Variants in NCALD observed in about 807,000 individuals in gnomAD.
NCALD encodes the protein neurocalcin delta, also known as neurocalcin-delta.
Under a neutral mutation model 18.6 loss-of-function variants are expected in NCALD, and 10 were observed. The ratio of observed to expected loss-of-function variants is 0.54; its 90% CI spans 0.33 to 0.91. NCALD has a LOEUF of 0.91. Ranked by LOEUF, NCALD falls within the 40% of genes least tolerant of loss-of-function variation. NCALD has a pLI of 0.03. For synonymous variants in NCALD, 88 were observed against 87.4 expected, an observed-to-expected ratio of 1.01 and a Z score of -0.04; for missense variants, 184 against 247.6, an observed-to-expected ratio of 0.74 and a Z score of 1.72.
At chr8:102,034,934 T>C (rs944583003) in intron 1 of NCALD, among the ~76,000 whole-genome samples, 1 of 152,194 alleles carries the variant, frequency 6.6e-6, no homozygotes, top group African/African-American at 2.4e-5. Context: ...TTCTTCATCT[T>C]GCAAATCTGA....
chr8:101,937,703 A>T (rs1281652258), intron 2 of NCALD, among the ~76,000 whole-genome samples: 1 of 152,160 alleles, frequency 6.6e-6, no homozygotes, highest in Non-Finnish European at 1.5e-5. Context: ...TTCCACAAAT[A>T]TTTGAGGATT....
intron 3 of NCALD, among the ~76,000 whole-genome samples, chr8:101,893,842 A>T (rs548890413): frequency 6.9e-6 from 1 of 145,508 alleles, no homozygotes; most frequent in South Asian, 2.1e-4. Context: ...CACCCAATAC[A>T]GGAGCACCCA....
intron 4 of NCALD, among the ~76,000 whole-genome samples, chr8:101,876,050 C>T (rs566864174): frequency 6.6e-6 from 1 of 152,330 alleles, no homozygotes; most frequent in Non-Finnish European, 1.5e-5. Flanking sequence ...GGATTTCTTG[C>T]TCTTCCCCAG....
intron 2 of NCALD, among the ~76,000 whole-genome samples, chr8:101,983,948 C>T (rs1223228739): frequency 6.6e-6 from 1 of 152,206 alleles, no homozygotes; most frequent in Admixed American, 6.5e-5. Context: ...CTTTCGTCAT[C>T]CTTTGTTAGT....
intron 1 of NCALD, among the ~76,000 whole-genome samples, chr8:102,119,457 T>G (rs1357787354): frequency 1.3e-5 from 2 of 152,208 alleles, no homozygotes; most frequent in Non-Finnish European, 2.9e-5. Context: ...GAGTTTCAGC[T>G]GGGCAGGATG....
chr8:101,886,331 C>A (rs937542790), intron 4 of NCALD, among the ~76,000 whole-genome samples: 3 of 152,000 alleles, frequency 2.0e-5, no homozygotes, highest in African/African-American at 7.3e-5. Context: ...TCTGCCCTGC[C>A]CCCATTTATT....
intron 1 of NCALD, among the ~76,000 whole-genome samples, chr8:102,023,058 T>C (rs917300785): frequency 6.6e-6 from 1 of 152,198 alleles, no homozygotes; most frequent in Non-Finnish European, 1.5e-5. Context: ...AGCCAAGGTA[T>C]GAGATTTGTC....
chr8:101,815,144 A>C (rs1813444638), intron 4 of NCALD, among the ~76,000 whole-genome samples: 1 of 152,148 alleles, frequency 6.6e-6, no homozygotes, highest in Non-Finnish European at 1.5e-5. Flanking sequence ...GAGAGGCAAA[A>C]GACCCAGAAT....
At chr8:101,929,278 A>G (rs897180854) in intron 2 of NCALD, among the ~76,000 whole-genome samples, 1 of 9,178 alleles carries the variant, frequency 1.1e-4, no homozygotes, top group African/African-American at 5.5e-4. Flanking sequence ...GGATGGAGGG[A>G]GGGAGGGAGG....
At chr8:102,032,952 T>A (rs1822732249) in intron 1 of NCALD, among the ~76,000 whole-genome samples, 3 of 152,190 alleles carry the variant, frequency 2.0e-5, no homozygotes, top group South Asian at 4.1e-4. Context: ...GGGCCAGCAA[T>A]GAGTCCAGGT....
At chr8:102,014,982 C>T (rs1242674349) in intron 2 of NCALD, among the ~76,000 whole-genome samples, 2 of 152,002 alleles carry the variant, frequency 1.3e-5, no homozygotes, top group Admixed American at 6.6e-5. Flanking sequence ...CCTGGACCAC[C>T]CTTTGAATAC....
At chr8:102,023,260 T>C (rs1298285269) in intron 1 of NCALD, among the ~76,000 whole-genome samples, 1 of 152,238 alleles carries the variant, frequency 6.6e-6, no homozygotes, top group African/African-American at 2.4e-5. Context: ...ACCATTATAC[T>C]GAAGCCCAAC....
chr8:101,926,625 G>C (rs181786452), intron 2 of NCALD, among the ~76,000 whole-genome samples: 56 of 152,250 alleles, frequency 3.7e-4, no homozygotes, highest in Middle Eastern at 6.8e-3. Flanking sequence ...GATCTACCAG[G>C]TGGCAGAGCC....
intron 3 of NCALD, 46 bp downstream of exon 3, chr8:101,692,745 C>A: frequency 6.5e-7 from 1 of 1,549,628 alleles, no homozygotes. Flanking sequence ...TCCAGTCCTT[C>A]CAGCAGCCCC....
chr8:101,691,557 CA>C (rs1222909452), intron 3 of NCALD: 2 of 985,298 alleles, frequency 2.0e-6, no homozygotes, highest in Non-Finnish European at 2.4e-6. Context: ...CCTTGAGTAC[CA>C]GTAAAACCTG....
In NCALD at chr8:101,812,109, T is replaced by C. The variant is rs140771203; in HGVS notation, c.-20+75032A>G. Among the ~76,000 whole-genome samples the C allele has an allele frequency of 5.4e-3, 827 of 152,296 alleles. 26 individuals carry two copies. The highest frequency in any genetic ancestry group is 0.05 in the Admixed American group (763 of 15,276). ...TATGTTGCTTTTCCATACTCTTATC[T>C]GTGGAAAATGACAACATCGGTTTTC... On this transcript the variant is annotated intron_variant, in intron 4 of 6. Coordinates refer to the NCALD transcript ENST00000311028.
At chr8:101,818,008 T>C (rs921035054) in intron 4 of NCALD, among the ~76,000 whole-genome samples, 1 of 152,192 alleles carries the variant, frequency 6.6e-6, no homozygotes, top group Non-Finnish European at 1.5e-5. Flanking sequence ...GCACTTGTGG[T>C]CGGGCTATGA....
chr8:101,778,783 C>G (rs1052842750), intron 1 of NCALD, among the ~76,000 whole-genome samples: 1 of 151,994 alleles, frequency 6.6e-6, no homozygotes, highest in African/African-American at 2.4e-5. Flanking sequence ...GAGGAGAAAA[C>G]AAAGAAAATA....
chr8:101,781,920 T>C (rs1285309580), intron 1 of NCALD, among the ~76,000 whole-genome samples: 1 of 151,872 alleles, frequency 6.6e-6, no homozygotes, highest in Non-Finnish European at 1.5e-5. Context: ...ATATTGATGA[T>C]CAGTATTCAA....
Sources: gnomAD v4.1 joint callset for allele counts (sites outside exome capture counted in the v4.1 genomes callset) on GRCh38, gnomAD v4.1.1 for gene constraint, MANE v1.5 for transcripts, NCBI Gene and HGNC (gene_info 2026-07-23, HGNC 2026-07-21) for gene names.